POLR2F: variants seen among roughly 807,000 people sequenced by gnomAD.
The protein encoded by POLR2F is DNA-directed RNA polymerases I, II, and III subunit RPABC2.
In POLR2F, 12 loss-of-function variants were observed where a neutral mutation model predicts 22.7. That is an observed-to-expected ratio of 0.53 (90% CI 0.34 to 0.86). The LOEUF (loss-of-function observed/expected upper bound fraction) is 0.86, where lower values mean the gene tolerates loss of function less well. Among genes scored for constraint, POLR2F ranks in the 40% least tolerant of loss-of-function variants. The pLI, the probability that POLR2F is intolerant of heterozygous loss-of-function variation, is 0.02. For synonymous variants in POLR2F, 57 were observed against 66.0 expected (o/e 0.86, Z 0.66); for missense variants, 126 against 171.5 (o/e 0.73, Z 1.48).
chr22:38,014,400 G>C (rs1371275584), intron 1 of POLR2F, among the ~76,000 whole-genome samples: 1 of 150,552 alleles, frequency 6.6e-6, no homozygotes, highest in East Asian at 2.0e-4. Context: ...GCCCAGGCTG[G>C]AGTGCAGTGG....
At chr22:38,009,372 G>C (rs2084852155) in intron 1 of POLR2F, among the ~76,000 whole-genome samples, 1 of 152,250 alleles carries the variant, frequency 6.6e-6, no homozygotes, top group South Asian at 2.1e-4. Context: ...AGGCCCCTGA[G>C]GTATTTCAGA....
At chr22:38,012,592 T>C (rs1431818045) in intron 1 of POLR2F, among the ~76,000 whole-genome samples, 1 of 152,018 alleles carries the variant, frequency 6.6e-6, no homozygotes, top group Non-Finnish European at 1.5e-5. Flanking sequence ...TTAATGTCGT[T>C]GTTGTTGTTG....
chr22:37,972,322 CTTTAAT>C (rs1569167146), downstream of POLR2F: 34 of 1,039,556 alleles, frequency 3.3e-5, no homozygotes, highest in Middle Eastern at 7.2e-4. Context: ...TAACCGGAAC[CTTTAAT>C]TTTATTATGT....
At chr22:37,970,663 C>T (rs889307164), downstream of POLR2F, 1 of 145,032 alleles carries the variant, frequency 6.9e-6, no homozygotes, top group Non-Finnish European at 1.5e-5. Context: ...TGGAGAGAGG[C>T]GTTTAATGCT....
At chr22:38,001,907 A>C (rs1487358241) in intron 1 of POLR2F, among the ~76,000 whole-genome samples, 1 of 151,918 alleles carries the variant, frequency 6.6e-6, no homozygotes. Context: ...GGCTCACTGC[A>C]ACCTCTGCCT....
At chr22:38,038,944 G>C (rs1000693030) in intron 5 of POLR2F, among the ~76,000 whole-genome samples, 15 of 151,976 alleles carry the variant, frequency 9.9e-5, no homozygotes, top group Non-Finnish European at 1.9e-4. Flanking sequence ...GCAGTCGTAG[G>C]GGGCGGCTGG....
intron 1 of POLR2F, among the ~76,000 whole-genome samples, chr22:38,003,423 C>T (rs1203963338): frequency 6.6e-6 from 1 of 152,166 alleles, no homozygotes. Context: ...GATGGGGTTT[C>T]ACCAAGTTGG....
At chr22:37,958,735 G>A (rs551724449) in intron 2 of POLR2F, among the ~76,000 whole-genome samples, 1 of 152,212 alleles carries the variant, frequency 6.6e-6, no homozygotes, top group Non-Finnish European at 1.5e-5. Context: ...ACCTCCTCGG[G>A]AACTCTGTTG....
At chr22:37,973,422 G>C, downstream of POLR2F, 1 of 1,007,664 alleles carries the variant, frequency 9.9e-7, no homozygotes, top group Non-Finnish European at 1.4e-6. Context: ...CACCAGGCCT[G>C]AGGTGGGCAA....
downstream of POLR2F, among the ~76,000 whole-genome samples, chr22:37,969,477 G>A (rs1359702060): frequency 6.6e-6 from 1 of 152,128 alleles, no homozygotes; most frequent in Non-Finnish European, 1.5e-5. Context: ...GACTTCCTTG[G>A]GGTCATTTCC....
chr22:37,973,772 G>A (rs780961079), downstream of POLR2F: 2 of 1,596,204 alleles, frequency 1.3e-6, no homozygotes, highest in East Asian at 2.2e-5. Flanking sequence ...GATCTGTGAG[G>A]TGGATGGCTG....
At chr22:38,002,652 G>T (rs992632560) in intron 1 of POLR2F, among the ~76,000 whole-genome samples, 1 of 152,218 alleles carries the variant, frequency 6.6e-6, no homozygotes, top group Non-Finnish European at 1.5e-5. Flanking sequence ...GCTTCCCGGT[G>T]GAGGTGATGT....
chr22:38,026,455 C>G, exon 3 of POLR2F: 1 of 402,378 alleles, frequency 2.5e-6, no homozygotes, highest in South Asian at 1.8e-5. Flanking sequence ...GGCTGGTCTT[C>G]ATGATCCCAG....
chr22:37,978,829 C>T lies in POLR2F; in HGVS notation c.293+11659C>T, dbSNP rs986312637. Among the ~76,000 whole-genome samples, 1 of 151,982 alleles carries T rather than the reference C, an allele frequency of 6.6e-6. No individual in the cohort carries two copies. The highest frequency in any genetic ancestry group is 1.5e-5 in the Non-Finnish European group (1 of 68,004). ...TCTCACTCTGTCACCCATGCTAGAG[C>T]TCAGTGGTATGATCTCAGCTCACTG... On this transcript the variant is annotated intron_variant, in intron 4 of 4. Coordinates refer to the POLR2F transcript ENST00000405557. The surrounding 1 kb of genome is among the most constrained non-coding windows in gnomAD (Gnocchi z 5.0).
chr22:37,965,101 G>T (rs1931802069), intron 3 of POLR2F, among the ~76,000 whole-genome samples: 1 of 152,078 alleles, frequency 6.6e-6, no homozygotes, highest in Admixed American at 6.5e-5. Flanking sequence ...TCACCTCCTG[G>T]TTCAAGCGAT....
chr22:38,036,228 C>T (rs888016699), intron 5 of POLR2F, among the ~76,000 whole-genome samples: 1 of 151,774 alleles, frequency 6.6e-6, no homozygotes, highest in Non-Finnish European at 1.5e-5. Context: ...CCACCTGCCT[C>T]AGCCTCCCAA....
At chr22:37,977,966 TC>T in intron 4 of POLR2F, 2 of 1,612,194 alleles carry the variant, frequency 1.2e-6, no homozygotes. Context: ...ATGGCGGCGG[TC>T]CCACCTTGCT....
In POLR2F at chr22:38,016,406, C is replaced by G. The variant is rs994356291; in HGVS notation, c.121-9463C>G. 1.3e-5 allele frequency among the ~76,000 whole-genome samples: 2 copies of G among 152,230 alleles called. No individual in the cohort carries two copies. The highest frequency in any genetic ancestry group is 6.5e-5 in the Admixed American group (1 of 15,286). On this transcript the variant is annotated intron_variant, in intron 1 of 2. Coordinates refer to the POLR2F transcript ENST00000333418. This position sits in a 1 kb window ranked among gnomAD's most constrained non-coding sequence, Gnocchi z 4.4. ...TCCAGGAAGTGCTGCGCTTGACACACGCCCCCATCCGCCACCTCCCAGAGA... is the reference window on the plus strand; with the variant it reads ...TCCAGGAAGTGCTGCGCTTGACACAGGCCCCCATCCGCCACCTCCCAGAGA...
intron 5 of POLR2F, among the ~76,000 whole-genome samples, chr22:38,037,476 A>G (rs920541574): frequency 7.7e-6 from 1 of 129,082 alleles, no homozygotes; most frequent in African/African-American, 3.1e-5. Flanking sequence ...GGATCTTGCT[A>G]TGTTGCCCAG....
Sources: allele counts gnomAD v4.1 joint callset (sites outside exome capture counted in the v4.1 genomes callset), GRCh38; gene constraint gnomAD v4.1.1; non-coding constraint Gnocchi (gnomAD v3.1); transcripts MANE v1.5; gene names NCBI Gene and HGNC (gene_info 2026-07-23, HGNC 2026-07-21).